The following TENM1 variants were observed in gnomAD, a reference collection of about 807,000 sequenced individuals.
The protein encoded by TENM1 is teneurin-1.
A neutral mutation model predicts 174.8 loss-of-function variants in TENM1; 35 were observed. The ratio of observed to expected loss-of-function variants is 0.20; its 90% CI spans 0.15 to 0.27. The LOEUF is 0.27. Among genes scored for constraint, TENM1 ranks in the 10% least tolerant of loss-of-function variants. TENM1 has a pLI of 1.00. For missense variants in TENM1, 1,633 were observed against 2,130.1 expected, an observed-to-expected ratio of 0.77 and a Z score of 4.59; for synonymous variants, 781 against 798.7, an observed-to-expected ratio of 0.98 and a Z score of 0.37.
At chrX:124,698,208 C>T (rs16999370) in intron 5 of TENM1, among the ~76,000 whole-genome samples, 1 of 110,628 alleles carries the variant, frequency 9.0e-6, no homozygotes, top group Non-Finnish European at 1.9e-5. Flanking sequence ...GTGTCCTCAA[C>T]GGTAGTTACC....
the TENM1 span, among the ~76,000 whole-genome samples, chrX:125,201,554 C>T: frequency 3.6e-5 from 4 of 111,692 alleles, no homozygotes; most frequent in African/African-American, 1.3e-4. Context: ...TGACATTGTT[C>T]TCAGGACTGG....
At chrX:124,827,414 G>A (rs10126080) in intron 3 of TENM1, among the ~76,000 whole-genome samples, 5,200 of 111,831 alleles carry the variant, frequency 0.046, 175 homozygotes, top group African/African-American at 0.12. Context: ...GACATTTGCA[G>A]GTACTCAATA....
chrX:124,871,935 G>A (rs2057115569), intron 3 of TENM1, among the ~76,000 whole-genome samples: 1 of 109,008 alleles, frequency 9.2e-6, no homozygotes, highest in Non-Finnish European at 1.9e-5. Flanking sequence ...GGGAGGCTGA[G>A]GCAGGAGAAT....
At chrX:125,037,807 T>C in the TENM1 span, among the ~76,000 whole-genome samples, 1 of 111,567 alleles carries the variant, frequency 9.0e-6, no homozygotes, top group African/African-American at 3.3e-5. Flanking sequence ...CATAAATTAG[T>C]CTCTCTAGGC....
At chrX:124,385,395 G>A (rs188259391) in intron 29 of TENM1, among the ~76,000 whole-genome samples, 1 of 112,401 alleles carries the variant, frequency 8.9e-6, no homozygotes, top group East Asian at 2.8e-4. Flanking sequence ...TCTTTGAGAA[G>A]ATTTGGTGCT....
At chrX:124,896,469 G>A (rs1434546359) in intron 1 of TENM1, among the ~76,000 whole-genome samples, 3 of 111,130 alleles carry the variant, frequency 2.7e-5, no homozygotes, top group Admixed American at 1.9e-4. Context: ...TGGAAAAAGC[G>A]CGCCCAAAAT....
At chrX:124,766,025 C>T (rs1373597515) in intron 3 of TENM1, among the ~76,000 whole-genome samples, 1 of 111,784 alleles carries the variant, frequency 8.9e-6, no homozygotes, top group African/African-American at 3.2e-5. Flanking sequence ...TTATGGATAT[C>T]ACCTCCTTAC....
At chrX:124,787,000 C>T (rs928654008) in intron 3 of TENM1, among the ~76,000 whole-genome samples, 1 of 111,713 alleles carries the variant, frequency 9.0e-6, no homozygotes, top group Admixed American at 9.5e-5. Flanking sequence ...GTTAACAGTT[C>T]TGTACTCACG....
rs774792750 is a variant in TENM1, at chrX:124,737,140, G to A, written c.593C>T (p.Pro198Leu). 2.3e-5 allele frequency: 28 copies of A among 1,207,877 alleles called. No homozygotes were observed. The highest frequency in any genetic ancestry group is 1.8e-4 in the Admixed American group (8 of 45,518). Reference sequence around the variant, plus strand: ...GGCACAGGTGCAGGCATGAGGAGGCGGAGGTGGCGGTGGGAGGGGTCTGAA... The same window carrying A: ...GGCACAGGTGCAGGCATGAGGAGGCAGAGGTGGCGGTGGGAGGGGTCTGAA... Residue 198 changes from proline to leucine, a missense_variant, in exon 4 of 32, where the codon CCG becomes CTG. By Grantham distance (98) the Pro-to-Leu change is moderately conservative. Coordinates refer to ENST00000422452, the Ensembl canonical transcript of TENM1.
chrX:124,880,235 T>A (rs1346065951), intron 3 of TENM1, among the ~76,000 whole-genome samples: 1 of 111,775 alleles, frequency 8.9e-6, no homozygotes, highest in Non-Finnish European at 1.9e-5. Flanking sequence ...TTCTTGGTAG[T>A]GGTCTTTCAG....
At chrX:124,529,004 A>G (rs956661759) in intron 16 of TENM1, among the ~76,000 whole-genome samples, 36 of 111,604 alleles carry the variant, frequency 3.2e-4, no homozygotes, top group African/African-American at 1.1e-3. Context: ...AGGTTCTTGA[A>G]ATGAGATAGT....
At chrX:124,795,448 A>C (rs189352417) in intron 3 of TENM1, among the ~76,000 whole-genome samples, 28 of 112,208 alleles carry the variant, frequency 2.5e-4, no homozygotes, top group African/African-American at 9.0e-4. Context: ...AAAAATAGTT[A>C]CCTCAATACA....
intron 19 of TENM1, among the ~76,000 whole-genome samples, chrX:124,502,001 T>A (rs750939014): frequency 1.7e-5 from 1 of 58,942 alleles, no homozygotes; most frequent in Non-Finnish European, 3.1e-5. Flanking sequence ...TTTCTCAGAA[T>A]AAATTTCTCA....
intron 5 of TENM1, among the ~76,000 whole-genome samples, chrX:124,673,349 A>T (rs1034343214): frequency 1.8e-5 from 2 of 112,251 alleles, no homozygotes; most frequent in Non-Finnish European, 3.8e-5. Context: ...TTTGGATTCA[A>T]CTTATTAGGC....
At chrX:124,540,695 A>C (rs961980395) in intron 15 of TENM1, among the ~76,000 whole-genome samples, 1 of 112,115 alleles carries the variant, frequency 8.9e-6, no homozygotes, top group Non-Finnish European at 1.9e-5. Flanking sequence ...AGAATGTATT[A>C]TTGAGTAGGG....
At chrX:125,099,796 T>C in the TENM1 span, among the ~76,000 whole-genome samples, 5 of 111,935 alleles carry the variant, frequency 4.5e-5, no homozygotes, top group African/African-American at 1.6e-4. Flanking sequence ...ACGGAAACAC[T>C]CATCACACTT....
intron 11 of TENM1, among the ~76,000 whole-genome samples, chrX:124,605,439 C>A (rs1457843591): frequency 9.2e-6 from 1 of 109,231 alleles, no homozygotes; most frequent in East Asian, 2.9e-4. Flanking sequence ...GTCAAGGGGG[C>A]AAGAGAATTG....
In TENM1 at chrX:124,921,566, C is replaced by G. The variant is rs190689151; in HGVS notation, c.218-25325G>C. ...TACCATTAATTATTTAACTAATGCC[C>G]TATTGCTGGACATCCAAGTTGCTTC... is the stretch of plus-strand genomic sequence containing the variant. On this transcript the variant is annotated intron_variant, in intron 1 of 31. Coordinates refer to ENST00000422452, the Ensembl canonical transcript of TENM1. Among the ~76,000 whole-genome samples the G allele has an allele frequency of 4.2e-3, 472 of 111,421 alleles. 2 individuals carry two copies. Among genetic ancestry groups the G allele is most frequent in the African/African-American group, 0.014 (442 of 30,750 alleles).
chrX:125,068,629 T>A, the TENM1 span, among the ~76,000 whole-genome samples: 1 of 111,755 alleles, frequency 8.9e-6, no homozygotes, highest in African/African-American at 3.3e-5. Context: ...TTATGAATGA[T>A]TTCACAGGGG....
Sources: gnomAD v4.1 joint callset for allele counts (sites outside exome capture counted in the v4.1 genomes callset) on GRCh38, gnomAD v4.1.1 for gene constraint, MANE v1.5 for transcripts, NCBI Gene and HGNC (gene_info 2026-07-23, HGNC 2026-07-21) for gene names.